The following LRRIQ3 variants were observed in gnomAD, a reference collection of about 807,000 sequenced individuals.
LRRIQ3 encodes the protein leucine rich repeats and IQ motif containing 3.
A neutral mutation model predicts 59.3 loss-of-function variants in LRRIQ3; 75 were observed. The ratio of observed to expected loss-of-function variants is 1.26; its 90% CI spans 1.05 to 1.53. LRRIQ3 has a LOEUF of 1.53. Ranked by LOEUF, LRRIQ3 falls within the 40% of genes most tolerant of loss-of-function variation. The pLI is 0.00. For missense variants in LRRIQ3, 831 were observed against 710.0 expected (o/e 1.17, Z -1.94); for synonymous variants, 250 against 231.3 (o/e 1.08, Z -0.73).
chr1:74,095,040 CAG>C (rs1171778389), intron 5 of LRRIQ3: 2 of 152,084 alleles, frequency 1.3e-5, no homozygotes, highest in South Asian at 2.1e-4. Context: ...CAGATATAAG[CAG>C]AGTGTTGCAT....
At chr1:74,176,669 G>A (rs1476259455) in intron 3 of LRRIQ3, among the ~76,000 whole-genome samples, 1 of 151,922 alleles carries the variant, frequency 6.6e-6, no homozygotes, top group South Asian at 2.1e-4. Context: ...GTTTATGTAG[G>A]GGTTATAGCT....
chr1:74,039,173 T>A (rs551392504), intron 7 of LRRIQ3, among the ~76,000 whole-genome samples: 1 of 152,166 alleles, frequency 6.6e-6, no homozygotes, highest in South Asian at 2.1e-4. Flanking sequence ...GAGAACTTAG[T>A]GAAGCATACA....
chr1:74,037,407 G>C (rs1484344519), intron 7 of LRRIQ3, among the ~76,000 whole-genome samples: 1 of 152,114 alleles, frequency 6.6e-6, no homozygotes, highest in Non-Finnish European at 1.5e-5. Flanking sequence ...GGAGGCTGAG[G>C]GGGACGGATC....
intron 4 of LRRIQ3, among the ~76,000 whole-genome samples, chr1:74,118,385 A>T (rs1646806917): frequency 6.6e-6 from 1 of 152,138 alleles, no homozygotes; most frequent in Non-Finnish European, 1.5e-5. Context: ...GAAATCACTC[A>T]AATTAAATTT....
chr1:74,102,648 A>T lies in LRRIQ3; in HGVS notation c.867+6746T>A, dbSNP rs952993031. 3.9e-5 allele frequency among the ~76,000 whole-genome samples: 6 copies of T among 152,120 alleles called. No individual in the cohort carries two copies. In the South Asian group the frequency reaches 1.2e-3, roughly 32 times the overall value. ...TTTATCCAAAAGAATTGATATCAAG[A>T]TCTCAAAGACATGAACACTTCCTAG... On this transcript the variant is annotated intron_variant, in intron 5 of 7. Transcript: ENST00000354431.
At chr1:74,072,896 T>C (rs978668841) in intron 6 of LRRIQ3, among the ~76,000 whole-genome samples, 62 of 152,284 alleles carry the variant, frequency 4.1e-4, no homozygotes, top group African/African-American at 1.4e-3. Flanking sequence ...TTCATACATA[T>C]ATATTAAATT....
At chr1:74,164,097 T>C (rs910366843) in intron 3 of LRRIQ3, among the ~76,000 whole-genome samples, 1 of 151,280 alleles carries the variant, frequency 6.6e-6, no homozygotes, top group Non-Finnish European at 1.5e-5. Flanking sequence ...TTGTTTCATA[T>C]GTTTTTGACG....
intron 2 of LRRIQ3, chr1:74,183,171 T>C (rs1303085350): frequency 3.1e-6 from 1 of 317,744 alleles, no homozygotes; most frequent in Non-Finnish European, 5.7e-6. Flanking sequence ...CTAAGGAAAA[T>C]TAAGGAATCA....
chr1:74,043,251 C>T (rs1654100966), intron 6 of LRRIQ3, among the ~76,000 whole-genome samples: 1 of 152,002 alleles, frequency 6.6e-6, no homozygotes, highest in Admixed American at 6.6e-5. Context: ...AAATTACATT[C>T]CTGCTAACTC....
chr1:74,144,971 G>T (rs1489368326), intron 4 of LRRIQ3, among the ~76,000 whole-genome samples: 1 of 151,770 alleles, frequency 6.6e-6, no homozygotes, highest in East Asian at 1.9e-4. Flanking sequence ...TTTACCTACA[G>T]AAATATTATA....
At chr1:74,042,654 G>C (rs1317028466) in intron 6 of LRRIQ3, among the ~76,000 whole-genome samples, 1 of 152,092 alleles carries the variant, frequency 6.6e-6, no homozygotes, top group Non-Finnish European at 1.5e-5. Flanking sequence ...TATTTGCAAA[G>C]GGCATTGTAA....
chr1:74,032,457 A>T (rs1216912177), intron 7 of LRRIQ3, among the ~76,000 whole-genome samples: 1 of 151,994 alleles, frequency 6.6e-6, no homozygotes, highest in Admixed American at 6.6e-5. Context: ...AATGGTTCTC[A>T]TTTAGGTCTT....
chr1:74,073,610 TA>T (rs753297722), intron 6 of LRRIQ3, among the ~76,000 whole-genome samples: 4,879 of 46,622 alleles, frequency 0.1, 283 homozygotes, highest in African/African-American at 0.16. Flanking sequence ...GTCCATTCTT[TA>T]AAAAAAAAAA....
At chr1:74,041,971 G>C in intron 6 of LRRIQ3, 38 bp from the exon 7 acceptor site, 1 of 1,483,494 alleles carries the variant, frequency 6.7e-7, no homozygotes, top group Non-Finnish European at 8.9e-7. Context: ...CATTATACAA[G>C]AGCTAAGTAC....
intron 4 of LRRIQ3, among the ~76,000 whole-genome samples, chr1:74,111,654 G>C (rs995443344): frequency 2.0e-5 from 3 of 151,984 alleles, no homozygotes; most frequent in African/African-American, 7.2e-5. Flanking sequence ...TGTCCAAAGG[G>C]CATACAGCAA....
intron 4 of LRRIQ3, among the ~76,000 whole-genome samples, chr1:74,120,566 A>T (rs1411267483): frequency 2.6e-5 from 4 of 152,038 alleles, no homozygotes; most frequent in African/African-American, 9.7e-5. Flanking sequence ...CAAATTTTTT[A>T]AATCTACTAA....
chr1:74,151,005 T>G (rs34363221), intron 4 of LRRIQ3, among the ~76,000 whole-genome samples: 1 of 140,592 alleles, frequency 7.1e-6, no homozygotes, highest in Non-Finnish European at 1.5e-5. Flanking sequence ...TATTGAATGA[T>G]GCTTTCTTTT....
chr1:74,146,368 A>T (rs1647570638), intron 4 of LRRIQ3, among the ~76,000 whole-genome samples: 1 of 152,172 alleles, frequency 6.6e-6, no homozygotes, highest in Admixed American at 6.6e-5. Context: ...GAAAATAGTA[A>T]TTCTATTAAA....
At chr1:74,169,767 C>A (rs35757296) in intron 3 of LRRIQ3, among the ~76,000 whole-genome samples, 2 of 151,960 alleles carry the variant, frequency 1.3e-5, no homozygotes, top group African/African-American at 4.8e-5. Flanking sequence ...CCAGGTTAGT[C>A]TTGAACTCCT....
Sources: allele counts gnomAD v4.1 joint callset (sites outside exome capture counted in the v4.1 genomes callset), GRCh38; gene constraint gnomAD v4.1.1; transcripts MANE v1.5; gene names NCBI Gene and HGNC (gene_info 2026-07-23, HGNC 2026-07-21).